The following SCRN1 variants were observed in gnomAD, a reference collection of about 807,000 sequenced individuals.
SCRN1 encodes secernin 1.
A neutral mutation model predicts 43.3 loss-of-function variants in SCRN1; 19 were observed. The observed-to-expected ratio is 0.44, with a 90% CI of 0.31 to 0.64. The LOEUF is 0.64. Among genes scored for constraint, SCRN1 ranks in the 30% least tolerant of loss-of-function variants. The pLI is 0.09. For missense variants in SCRN1, 447 were observed against 524.1 expected (o/e 0.85, Z 1.44); for synonymous variants, 183 against 188.9 (o/e 0.97, Z 0.26).
At position 29,927,673 on chromosome 7, in the gene SCRN1, ATT is replaced by A. The variant is rs575427927; in HGVS notation, c.906-1043_906-1042del. 3.9e-5 allele frequency among the ~76,000 whole-genome samples: 6 copies of A among 152,056 alleles called. No homozygotes were observed. In the South Asian group the frequency reaches 8.3e-4, roughly 21 times the overall value. On this transcript the variant is annotated intron_variant, in intron 6 of 7. Transcript: ENST00000242059. ...TAGGTCAGATTTGTCAGATTTGGAC[ATT>A]TTTTTCTCCTCTCAACAGGTGCACT...
In SCRN1 at chr7:29,921,827, T is replaced by G. The variant is rs1238163678; in HGVS notation, c.*2130A>C. On this transcript the variant is annotated 3_prime_UTR_variant, in exon 8 of 8. Transcript: ENST00000242059. ...ATAGAAATGAAAGGAGGCTTCTGTGTAATTAATTCTTACTAGACTTCTTTT... is the reference window on the plus strand; with the variant it reads ...ATAGAAATGAAAGGAGGCTTCTGTGGAATTAATTCTTACTAGACTTCTTTT... 1.3e-5 allele frequency: 2 copies of G among 152,234 alleles called. No individual in the cohort carries two copies. The highest frequency in any genetic ancestry group is 2.9e-5 in the Non-Finnish European group (2 of 68,040). 9.4% of individuals were successfully genotyped at this position (152,234 alleles called of 1,614,324 possible).
chr7:29,939,001 G>C (rs1430729453), intron 5 of SCRN1, among the ~76,000 whole-genome samples: 3 of 151,878 alleles, frequency 2.0e-5, no homozygotes, highest in African/African-American at 4.8e-5. Context: ...AGACCTAAAG[G>C]CTTTATCAGA....
At chr7:29,990,024 T>C (rs1194734256), upstream of SCRN1, 3 of 1,459,448 alleles carry the variant, frequency 2.1e-6, no homozygotes, top group African/African-American at 1.4e-5. Flanking sequence ...CCCTCTTTGC[T>C]AGATTTTTAT....
chr7:29,924,177 C>G, intron 7 of SCRN1, 62 bp from the exon 8 acceptor site: 8 of 1,533,866 alleles, frequency 5.2e-6, no homozygotes, highest in Non-Finnish European at 7.0e-6. Flanking sequence ...GCAGCGGACA[C>G]TGAAACCCTC....
At chr7:29,952,981 A>G (rs1156800720) in intron 3 of SCRN1, among the ~76,000 whole-genome samples, 1 of 152,148 alleles carries the variant, frequency 6.6e-6, no homozygotes, top group East Asian at 1.9e-4. Context: ...CCTGTCATCT[A>G]CTCCTGACCT....
At chr7:29,979,396 T>G (rs1464938815) in intron 1 of SCRN1, among the ~76,000 whole-genome samples, 1 of 152,224 alleles carries the variant, frequency 6.6e-6, no homozygotes, top group East Asian at 1.9e-4. Flanking sequence ...CATGAACATT[T>G]CCACATAACA....
upstream of SCRN1, chr7:29,990,015 C>T: frequency 2.1e-6 from 3 of 1,454,098 alleles, no homozygotes; most frequent in Non-Finnish European, 9.0e-7. Flanking sequence ...AAAGTGGCCC[C>T]CTCTTTGCTA....
At chr7:29,986,464 T>G (rs148401704) in intron 1 of SCRN1, among the ~76,000 whole-genome samples, 1 of 152,078 alleles carries the variant, frequency 6.6e-6, no homozygotes, top group African/African-American at 2.4e-5. Context: ...ACTCAGCATA[T>G]CTCAATACAA....
rs979846833 is a variant in SCRN1, at chr7:29,950,460, T to C, written c.341+4719A>G. On this transcript the variant is annotated intron_variant, in intron 3 of 7. Transcript: ENST00000242059. This position sits in a 1 kb window ranked among gnomAD's most constrained non-coding sequence, Gnocchi z 4.5. ...CACGTTGATGGCAGGAGGCAGACAG[T>C]TTCCTGGGCGGAAAGGAGCAGGTCC... Among the ~76,000 whole-genome samples, 1 of 152,164 alleles carries C rather than the reference T, an allele frequency of 6.6e-6. No individual in the cohort carries two copies. The highest frequency in any genetic ancestry group is 2.4e-5 in the African/African-American group (1 of 41,436).
At chr7:29,971,829 T>A (rs981926137) in intron 1 of SCRN1, among the ~76,000 whole-genome samples, 2 of 152,108 alleles carry the variant, frequency 1.3e-5, no homozygotes, top group Non-Finnish European at 2.9e-5. Context: ...CTATATCCAA[T>A]CTACTTCAGG....
At chr7:29,966,061 G>A (rs190011367) in intron 2 of SCRN1, among the ~76,000 whole-genome samples, 38 of 150,126 alleles carry the variant, frequency 2.5e-4, no homozygotes, top group Middle Eastern at 6.9e-3. Flanking sequence ...CCAGTGTCTG[G>A]GGCCTGGAAT....
chr7:29,928,972 G>A (rs1051375618), intron 6 of SCRN1, among the ~76,000 whole-genome samples: 1 of 152,218 alleles, frequency 6.6e-6, no homozygotes. Flanking sequence ...GTGGGGAGGA[G>A]GAGGGCCAGG....
intron 1 of SCRN1, among the ~76,000 whole-genome samples, chr7:29,983,541 T>C (rs1353500380): frequency 1.3e-5 from 2 of 152,096 alleles, no homozygotes; most frequent in African/African-American, 2.4e-5. Context: ...TTCAGTGTTA[T>C]GTAAAAAAGT....
Position 29,923,465 on chromosome 7 carries a change from C to G in SCRN1, c.*492G>C, listed in dbSNP as rs773668908. 6.4e-6 allele frequency: 1 copy of G among 157,014 alleles called. No homozygotes were observed. The highest frequency in any genetic ancestry group is 1.9e-4 in the East Asian group (1 of 5,318). The allele number at this position is 157,014 out of a possible 1,614,324, so 9.7% of individuals were successfully genotyped here. ...ACTGTGCACTACAGGCATGCACTCA[C>G]GGGAGGCCACGGAGGGTCCCCTTGA... On this transcript the variant is annotated 3_prime_UTR_variant, in exon 8 of 8. Transcript: ENST00000242059.
chr7:29,940,868 T>C lies in SCRN1; in HGVS notation c.553A>G (p.Arg185Gly), dbSNP rs1787521314. Residue 185 changes from arginine to glycine, a missense_variant, in exon 5 of 8, where the codon AGG becomes GGG. Coordinates refer to ENST00000242059, the MANE Select transcript of SCRN1 (RefSeq NM_014766.5). ...AGCGAAAGCTGACTGCAAATGCACC[T>C]CACTCCCTCTGCAGAGAGTGCAAAG... ...WAAEKVTEGV[R>G]CICSQLSLTT... 1 of 1,541,206 alleles carries C rather than the reference T, an allele frequency of 6.5e-7. No individual in the cohort carries two copies.
chr7:29,928,536 A>G (rs1787048636), intron 6 of SCRN1, among the ~76,000 whole-genome samples: 1 of 152,218 alleles, frequency 6.6e-6, no homozygotes. Context: ...GTACTAGTTG[A>G]GGACTAGTGT....
intron 1 of SCRN1, among the ~76,000 whole-genome samples, chr7:29,988,101 G>A (rs1789218521): frequency 6.6e-6 from 1 of 151,984 alleles, no homozygotes; most frequent in African/African-American, 2.4e-5. Flanking sequence ...ATTTCCTCAT[G>A]CCTGGGTGCT....
At chr7:29,952,730 G>A (rs181986408) in intron 3 of SCRN1, among the ~76,000 whole-genome samples, 18 of 151,650 alleles carry the variant, frequency 1.2e-4, no homozygotes, top group Non-Finnish European at 1.3e-4. Flanking sequence ...TAATGAGCAT[G>A]AGTTACTTTT....
rs1278441627 is a variant in SCRN1 at position 29,923,596 on chromosome 7, G to A, written c.*361C>T. On this transcript the variant is annotated 3_prime_UTR_variant, in exon 8 of 8. Coordinates refer to ENST00000242059, the MANE Select transcript of SCRN1 (RefSeq NM_014766.5). ...GACTTCAAAAGAATTTGCTTTTCCC[G>A]CCAACTCGGCACTGTGAAGCCTGCC... 34 of 172,852 alleles carry A rather than the reference G, an allele frequency of 2.0e-4. No homozygotes were observed. Among genetic ancestry groups the A allele is most frequent in the Admixed American group, 1.5e-3 (26 of 17,592 alleles). The allele number at this position is 172,852 out of a possible 1,614,324, so 10.7% of individuals were successfully genotyped here.
Sources: allele counts gnomAD v4.1 joint callset (sites outside exome capture counted in the v4.1 genomes callset), GRCh38; gene constraint gnomAD v4.1.1; non-coding constraint Gnocchi (gnomAD v3.1); transcripts MANE v1.5; gene names NCBI Gene and HGNC (gene_info 2026-07-23, HGNC 2026-07-21).